The following NKAIN2 variants were observed in gnomAD, a reference collection of about 807,000 sequenced individuals.
NKAIN2 encodes the protein sodium/potassium transporting ATPase interacting 2.
A neutral mutation model predicts 32.6 loss-of-function variants in NKAIN2; 14 were observed. The ratio of observed to expected loss-of-function variants is 0.43; its 90% CI spans 0.28 to 0.67. NKAIN2 has a LOEUF of 0.67. NKAIN2 is among the 30% of genes least tolerant of loss of function. NKAIN2 has a pLI of 0.17. For missense variants in NKAIN2, 198 were observed against 258.3 expected (o/e 0.77, Z 1.60); for synonymous variants, 80 against 87.2 (o/e 0.92, Z 0.46).
chr6:124,189,951 T>A (rs894615336), intron 1 of NKAIN2, among the ~76,000 whole-genome samples: 13 of 152,208 alleles, frequency 8.5e-5, no homozygotes. Flanking sequence ...TGGAAATTAT[T>A]CCTTTTAGTG....
At chr6:124,513,005 T>G (rs1778773696) in intron 3 of NKAIN2, among the ~76,000 whole-genome samples, 1 of 151,926 alleles carries the variant, frequency 6.6e-6, no homozygotes, top group African/African-American at 2.4e-5. Context: ...AAATGACAGG[T>G]GTTTTTCCAA....
chr6:124,021,587 A>G (rs1426047302), intron 1 of NKAIN2, among the ~76,000 whole-genome samples: 2 of 152,026 alleles, frequency 1.3e-5, no homozygotes, highest in African/African-American at 4.8e-5. Context: ...CAACTTTTAT[A>G]TTCTTTTACC....
chr6:123,868,430 TATTA>T (rs983568847), intron 1 of NKAIN2, among the ~76,000 whole-genome samples: 3 of 152,180 alleles, frequency 2.0e-5, no homozygotes, highest in African/African-American at 7.2e-5. Context: ...TTTTTGTACG[TATTA>T]ATTGATTTTT....
At chr6:124,797,195 A>AG (rs1562388676) in intron 5 of NKAIN2, among the ~76,000 whole-genome samples, 5 of 147,778 alleles carry the variant, frequency 3.4e-5, no homozygotes, top group African/African-American at 1.3e-4. Context: ...AAAAAAAATC[A>AG]TCATGACTTC....
At chr6:124,368,064 T>A (rs9482541) in intron 3 of NKAIN2, among the ~76,000 whole-genome samples, 1 of 152,110 alleles carries the variant, frequency 6.6e-6, no homozygotes, top group African/African-American at 2.4e-5. Context: ...TGCTTTTGTG[T>A]GGTAAAATTC....
At chr6:124,111,938 C>T (rs1219913998) in intron 1 of NKAIN2, among the ~76,000 whole-genome samples, 1 of 152,010 alleles carries the variant, frequency 6.6e-6, no homozygotes, top group Non-Finnish European at 1.5e-5. Context: ...CATACAAAAA[C>T]TTACAATTTA....
At chr6:123,978,390 CT>C (rs1284861897) in intron 1 of NKAIN2, among the ~76,000 whole-genome samples, 1 of 152,154 alleles carries the variant, frequency 6.6e-6, no homozygotes, top group East Asian at 1.9e-4. Context: ...TTAAATCACT[CT>C]GCAGTTGTCA....
chr6:124,187,268 G>A (rs1191410259), intron 1 of NKAIN2, among the ~76,000 whole-genome samples: 1 of 152,062 alleles, frequency 6.6e-6, no homozygotes, highest in Non-Finnish European at 1.5e-5. Flanking sequence ...CATTTTATTT[G>A]ACTTTATGCC....
chr6:123,854,590 C>T (rs987619980), intron 1 of NKAIN2, among the ~76,000 whole-genome samples: 5 of 152,164 alleles, frequency 3.3e-5, no homozygotes, highest in African/African-American at 1.2e-4. Flanking sequence ...AAATGTTTCA[C>T]ATACGTTATT....
intron 1 of NKAIN2, among the ~76,000 whole-genome samples, chr6:124,059,221 T>C (rs1018555769): frequency 2.0e-5 from 3 of 152,160 alleles, no homozygotes; most frequent in African/African-American, 7.2e-5. Context: ...CAAGCACAAG[T>C]AGAATAATAT....
intron 4 of NKAIN2, among the ~76,000 whole-genome samples, chr6:124,759,578 C>G (rs974909755): frequency 6.9e-6 from 1 of 144,970 alleles, no homozygotes; most frequent in African/African-American, 2.6e-5. Flanking sequence ...GCCACCCTGT[C>G]TGAAATTGCA....
intron 4 of NKAIN2, 80 bp downstream of exon 4, chr6:124,658,466 G>A: frequency 6.2e-7 from 1 of 1,604,062 alleles, no homozygotes; most frequent in Non-Finnish European, 8.5e-7. Context: ...CACACAAATG[G>A]AATCTGTGGG....
intron 1 of NKAIN2, among the ~76,000 whole-genome samples, chr6:124,056,079 G>T (rs550798997): frequency 1.3e-5 from 2 of 152,034 alleles, no homozygotes; most frequent in East Asian, 1.9e-4. Flanking sequence ...CCACATTTCT[G>T]CAAGTACCAG....
In NKAIN2 at chr6:124,655,645, C is replaced by T. The variant is rs1051781702; in HGVS notation, c.274-2541C>T. ...ATAATGGGATAGTTACCTATCTGAA[C>T]CACTTCTGTGTCTAACAGCTCACAA... On this transcript the variant is annotated intron_variant, in intron 3 of 6. Transcript: ENST00000368417. Among the ~76,000 whole-genome samples the T allele has an allele frequency of 6.6e-5, 10 of 152,180 alleles. No homozygotes were observed. In the South Asian group the frequency reaches 1.0e-3, roughly 16 times the overall value.
intron 2 of NKAIN2, among the ~76,000 whole-genome samples, chr6:124,352,329 GTAAC>G (rs758940548): frequency 3.2e-4 from 49 of 152,252 alleles, no homozygotes; most frequent in Non-Finnish European, 5.6e-4. Context: ...ATAAATGTAA[GTAAC>G]TAAGTATAAA....
chr6:124,754,704 A>G (rs866032819), intron 4 of NKAIN2, among the ~76,000 whole-genome samples: 3 of 152,136 alleles, frequency 2.0e-5, no homozygotes, highest in Admixed American at 2.0e-4. Context: ...AATTAATTCA[A>G]TCATTGTGGA....
intron 1 of NKAIN2, among the ~76,000 whole-genome samples, chr6:124,282,697 A>G (rs894858820): frequency 6.6e-6 from 1 of 152,174 alleles, no homozygotes; most frequent in Non-Finnish European, 1.5e-5. Flanking sequence ...ATGACTTCAA[A>G]TGTTTGACAG....
At chr6:124,279,155 A>C (rs1795179873) in intron 1 of NKAIN2, among the ~76,000 whole-genome samples, 1 of 152,084 alleles carries the variant, frequency 6.6e-6, no homozygotes, top group African/African-American at 2.4e-5. Context: ...TAGCTCCCCA[A>C]ATTCACACAA....
intron 3 of NKAIN2, among the ~76,000 whole-genome samples, chr6:124,570,057 A>G (rs1399382798): frequency 6.6e-6 from 1 of 152,190 alleles, no homozygotes; most frequent in Non-Finnish European, 1.5e-5. Context: ...GTTATATTTT[A>G]GCAAAGAGAC....
Sources: allele counts gnomAD v4.1 joint callset (sites outside exome capture counted in the v4.1 genomes callset), GRCh38; gene constraint gnomAD v4.1.1; transcripts MANE v1.5; gene names NCBI Gene and HGNC (gene_info 2026-07-23, HGNC 2026-07-21).